DMD: variants seen among roughly 807,000 people sequenced by gnomAD.
The protein encoded by DMD is mutant dystrophin.
In DMD, 63 loss-of-function variants were observed where a neutral mutation model predicts 330.1. The ratio of observed to expected loss-of-function variants is 0.19; its 90% CI spans 0.16 to 0.24. DMD has a LOEUF of 0.24. DMD is among the 10% of genes least tolerant of loss of function. The pLI, the probability that DMD is intolerant of heterozygous loss-of-function variation, is 1.00. For missense variants in DMD, 3,344 were observed against 2,684.1 expected (o/e 1.25, Z -5.43); for synonymous variants, 1,223 against 959.8 (o/e 1.27, Z -5.07).
At chrX:32,245,199 C>T (rs1339706496) in intron 43 of DMD, among the ~76,000 whole-genome samples, 1 of 96,973 alleles carries the variant, frequency 1.0e-5, no homozygotes, top group Non-Finnish European at 2.0e-5. Flanking sequence ...GTCTTCCCAG[C>T]ACCATTTATT....
chrX:32,132,993 C>CTTTT (rs377615262), intron 44 of DMD, among the ~76,000 whole-genome samples: 36 of 75,922 alleles, frequency 4.7e-4, no homozygotes, highest in African/African-American at 1.0e-3. Context: ...CTTTTCTTTT[C>CTTTT]TTTTTTTTTT....
intron 67 of DMD, among the ~76,000 whole-genome samples, chrX:31,195,837 G>A (rs1286566888): frequency 9.1e-6 from 1 of 109,694 alleles, no homozygotes; most frequent in Non-Finnish European, 1.9e-5. Context: ...GGGAGGGCAG[G>A]AAGGAAGGAA....
In DMD at chrX:31,835,660, GA is replaced by G. The variant is rs200794553; in HGVS notation, c.7200+1057del. Among the ~76,000 whole-genome samples the G allele has an allele frequency of 4.5e-4, 50 of 111,519 alleles. No individual in the cohort carries two copies. The East Asian group carries it at 0.013, about 28-fold the overall frequency. On this transcript the variant is annotated intron_variant, in intron 49 of 78. Coordinates refer to ENST00000357033, the MANE Select transcript of DMD (RefSeq NM_004006.3). ...GGTGCAAACTTCAACTCTACCTAAGGAAAAGTCTCTTGTAAGCTGTAAGGAA... is the reference window on the plus strand; with the variant it reads ...GGTGCAAACTTCAACTCTACCTAAGGAAAGTCTCTTGTAAGCTGTAAGGAA...
intron 44 of DMD, among the ~76,000 whole-genome samples, chrX:32,191,258 G>A (rs1360109127): frequency 4.5e-5 from 5 of 111,649 alleles, no homozygotes; most frequent in South Asian, 7.5e-4. Flanking sequence ...TTTTGTGTCC[G>A]TAACAGTCCT....
intron 48 of DMD, among the ~76,000 whole-genome samples, chrX:31,869,678 A>C (rs1400613392): frequency 9.1e-6 from 1 of 109,542 alleles, no homozygotes; most frequent in East Asian, 2.9e-4. Context: ...CCCTGCAAGC[A>C]GAAGCTGGAT....
intron 2 of DMD, among the ~76,000 whole-genome samples, chrX:32,908,980 G>A (rs1317227826): frequency 2.7e-5 from 3 of 110,787 alleles, no homozygotes; most frequent in African/African-American, 9.8e-5. Context: ...TCACACCTTT[G>A]CATCTCACTA....
At chrX:32,910,061 A>C (rs1235784705) in intron 2 of DMD, among the ~76,000 whole-genome samples, 1 of 112,006 alleles carries the variant, frequency 8.9e-6, no homozygotes, top group Non-Finnish European at 1.9e-5. Context: ...ATCTATTTCT[A>C]AAATTTCTAA....
intron 44 of DMD, among the ~76,000 whole-genome samples, chrX:32,211,025 G>A (rs779998298): frequency 8.9e-6 from 1 of 111,843 alleles, no homozygotes; most frequent in Non-Finnish European, 1.9e-5. Flanking sequence ...CCATGGTAAG[G>A]TAAAGCTGAA....
chrX:31,334,812 C>T (rs1395987237), intron 61 of DMD, among the ~76,000 whole-genome samples: 1 of 111,826 alleles, frequency 8.9e-6, no homozygotes, highest in Non-Finnish European at 1.9e-5. Context: ...CACTCACTGA[C>T]CTCCTATCAT....
intron 1 of DMD, among the ~76,000 whole-genome samples, chrX:33,048,903 C>A (rs2094423602): frequency 9.1e-6 from 1 of 110,465 alleles, no homozygotes; most frequent in Non-Finnish European, 1.9e-5. Context: ...TGATTCCAAT[C>A]ATTGGGGATT....
intron 60 of DMD, among the ~76,000 whole-genome samples, chrX:31,370,456 C>T (rs1400251074): frequency 9.0e-6 from 1 of 111,694 alleles, no homozygotes; most frequent in East Asian, 2.8e-4. Flanking sequence ...GCATTTGCCA[C>T]GAGGGAAACG....
chrX:32,914,213 G>A (rs192424437), intron 2 of DMD, among the ~76,000 whole-genome samples: 1 of 112,114 alleles, frequency 8.9e-6, no homozygotes, highest in East Asian at 2.8e-4. Context: ...ACTGAGCAAA[G>A]TCAGACTCAT....
chrX:33,287,575 G>T (rs769267981), intron 1 of DMD, among the ~76,000 whole-genome samples: 3 of 111,342 alleles, frequency 2.7e-5, no homozygotes, highest in African/African-American at 9.8e-5. Flanking sequence ...ATTTTGAGCT[G>T]AATTATGATA....
chrX:32,816,395 T>TG, intron 6 of DMD, 73 bp downstream of exon 6: 2 of 1,123,399 alleles, frequency 1.8e-6, no homozygotes, highest in Non-Finnish European at 2.5e-6. Flanking sequence ...GGAACCATAC[T>TG]GGGGAAAAAT....
At chrX:32,648,722 T>A (rs2059935720) in intron 9 of DMD, among the ~76,000 whole-genome samples, 1 of 112,073 alleles carries the variant, frequency 8.9e-6, no homozygotes, top group Admixed American at 9.5e-5. Flanking sequence ...AAAAGACATT[T>A]TAAAATAAAA....
At chrX:33,327,255 C>G (rs1328897898) in intron 1 of DMD, among the ~76,000 whole-genome samples, 1 of 111,600 alleles carries the variant, frequency 9.0e-6, no homozygotes, top group East Asian at 2.8e-4. Flanking sequence ...CAAGGGGACT[C>G]TAGCCAAGGA....
At chrX:32,594,206 G>T (rs1005251928) in intron 13 of DMD, among the ~76,000 whole-genome samples, 1 of 111,857 alleles carries the variant, frequency 8.9e-6, no homozygotes, top group African/African-American at 3.3e-5. Flanking sequence ...TGTTAAGTAT[G>T]CATCTCTCTT....
chrX:31,469,270 C>T (rs935611329), intron 59 of DMD, among the ~76,000 whole-genome samples: 2 of 111,676 alleles, frequency 1.8e-5, no homozygotes, highest in African/African-American at 3.3e-5. Context: ...GTGTGATGGT[C>T]TTTACAATTT....
intron 63 of DMD, among the ~76,000 whole-genome samples, chrX:31,229,315 T>G (rs2046979003): frequency 8.9e-6 from 1 of 112,359 alleles, no homozygotes; most frequent in Non-Finnish European, 1.9e-5. Context: ...TCTGTCTTTT[T>G]AATAATACTG....
Sources: allele counts gnomAD v4.1 joint callset (sites outside exome capture counted in the v4.1 genomes callset), GRCh38; gene constraint gnomAD v4.1.1; transcripts MANE v1.5; gene names NCBI Gene and HGNC (gene_info 2026-07-23, HGNC 2026-07-21).